NRXN1: variants seen among roughly 807,000 people sequenced by gnomAD.
The protein encoded by NRXN1 is neurexin-1.
NRXN1 carries 39 observed loss-of-function variants against 150.9 expected under a neutral mutation model. The observed-to-expected ratio is 0.26, with a 90% CI of 0.20 to 0.34. The LOEUF (loss-of-function observed/expected upper bound fraction) is 0.34. Ranked by LOEUF, NRXN1 falls within the 10% of genes least tolerant of loss-of-function variation. The probability of loss-of-function intolerance (pLI) is 1.00; values close to 1 mark genes in which losing one functional copy is unlikely to be tolerated. For synonymous variants in NRXN1, 924 were observed against 757.0 expected (o/e 1.22, Z -3.62); for missense variants, 1,815 against 1,949.9 (o/e 0.93, Z 1.30).
intron 17 of NRXN1, among the ~76,000 whole-genome samples, chr2:50,439,597 G>T (rs929837471): frequency 6.6e-6 from 1 of 152,042 alleles, no homozygotes; most frequent in Non-Finnish European, 1.5e-5. Context: ...ACGAGGTCAG[G>T]AGATTGAGAC....
chr2:50,559,293 T>A lies in NRXN1; in HGVS notation c.1321-6268A>T, dbSNP rs191533072. Among the ~76,000 whole-genome samples, 39 of 152,298 alleles carry A rather than the reference T, an allele frequency of 2.6e-4. No individual in the cohort carries two copies. The East Asian group carries it at 6.9e-3, about 27-fold the overall frequency. ...CAGATAAATTGCATTTGCTTTGCCA[T>A]GATCTGGGTAAGAAAGAGCTCAGAA... is the stretch of plus-strand genomic sequence containing the variant. On this transcript the variant is annotated intron_variant, in intron 8 of 22. Transcript: ENST00000401669.
chr2:50,670,296 TA>T (rs911920638), intron 5 of NRXN1, among the ~76,000 whole-genome samples: 17 of 151,176 alleles, frequency 1.1e-4, no homozygotes, highest in African/African-American at 2.4e-4. Flanking sequence ...CATTTATCAT[TA>T]AAAAAAAACT....
intron 17 of NRXN1, among the ~76,000 whole-genome samples, chr2:50,299,390 T>C (rs530246830): frequency 4.0e-4 from 61 of 151,346 alleles, no homozygotes; most frequent in Admixed American, 7.3e-4. Context: ...AAGATAGTGC[T>C]ATATCCTGGT....
chr2:50,270,181 A>T (rs2069403023), intron 17 of NRXN1, among the ~76,000 whole-genome samples: 1 of 152,158 alleles, frequency 6.6e-6, no homozygotes, highest in South Asian at 2.1e-4. Flanking sequence ...GTGTGGTGAT[A>T]AAAAAGATTA....
chr2:50,076,360 T>G (rs1321316956), intron 19 of NRXN1, among the ~76,000 whole-genome samples: 1 of 136,480 alleles, frequency 7.3e-6, no homozygotes, highest in African/African-American at 3.0e-5. Flanking sequence ...AAAACTAAAC[T>G]ATTTTGACTA....
intron 5 of NRXN1, among the ~76,000 whole-genome samples, chr2:50,728,115 T>C: frequency 6.6e-6 from 1 of 152,110 alleles, no homozygotes; most frequent in African/African-American, 2.4e-5. Context: ...GTAGTGACAT[T>C]GTGCACTGTA....
At chr2:50,257,733 A>G (rs1208180730) in intron 17 of NRXN1, among the ~76,000 whole-genome samples, 1 of 152,136 alleles carries the variant, frequency 6.6e-6, no homozygotes, top group Non-Finnish European at 1.5e-5. Flanking sequence ...TACATCAGCA[A>G]AGAAAGATAA....
At chr2:50,151,910 G>T (rs1291061521) in intron 18 of NRXN1, among the ~76,000 whole-genome samples, 3 of 151,770 alleles carry the variant, frequency 2.0e-5, no homozygotes, top group African/African-American at 4.8e-5. Flanking sequence ...CAATTCTACA[G>T]ATTTTAAGCA....
intron 19 of NRXN1, among the ~76,000 whole-genome samples, chr2:50,083,651 C>G (rs973134630): frequency 6.6e-6 from 1 of 152,154 alleles, no homozygotes; most frequent in Non-Finnish European, 1.5e-5. Flanking sequence ...CTTATCTGGC[C>G]CCACCCACAT....
At chr2:50,331,768 C>T (rs578023005) in intron 17 of NRXN1, among the ~76,000 whole-genome samples, 2 of 152,242 alleles carry the variant, frequency 1.3e-5, no homozygotes, top group African/African-American at 4.8e-5. Flanking sequence ...AGAATTGCTC[C>T]TTAGACAGTA....
intron 17 of NRXN1, among the ~76,000 whole-genome samples, chr2:50,436,518 CA>C (rs1249432284): frequency 3.3e-5 from 5 of 151,592 alleles, no homozygotes; most frequent in African/African-American, 1.2e-4. Context: ...AATGATTTTA[CA>C]TTGATATGAA....
chr2:50,034,593 G>T (rs1193337533), intron 21 of NRXN1, among the ~76,000 whole-genome samples: 3 of 151,968 alleles, frequency 2.0e-5, no homozygotes, highest in Non-Finnish European at 4.4e-5. Context: ...CAACCCCCAT[G>T]ACACAAGTTT....
chr2:50,488,854 G>A (rs773517682), intron 15 of NRXN1, among the ~76,000 whole-genome samples: 6 of 152,156 alleles, frequency 3.9e-5, no homozygotes, highest in Non-Finnish European at 7.4e-5. Context: ...CAAGAAGCTC[G>A]AATTCTAAGA....
intron 17 of NRXN1, among the ~76,000 whole-genome samples, chr2:50,280,153 C>T (rs1365555761): frequency 6.6e-6 from 1 of 151,774 alleles, no homozygotes; most frequent in Non-Finnish European, 1.5e-5. Context: ...TGGCGGGCGC[C>T]TGTAGTCCCA....
intron 15 of NRXN1, among the ~76,000 whole-genome samples, chr2:50,495,370 GTGTGTGTGT>G (rs2091513576): frequency 1.4e-4 from 1 of 7,170 alleles, no homozygotes; most frequent in African/African-American, 6.4e-4. Flanking sequence ...GTGTGTGTGT[GTGTGTGTGT>G]GGTGTGTGTG....
intron 2 of NRXN1, among the ~76,000 whole-genome samples, chr2:51,003,458 A>G (rs2105112336): frequency 6.6e-6 from 1 of 151,946 alleles, no homozygotes; most frequent in Admixed American, 6.6e-5. Flanking sequence ...TTTTATTGAA[A>G]CCTCCTTTCC....
At chr2:50,600,937 T>C (rs949410973) in intron 8 of NRXN1, among the ~76,000 whole-genome samples, 4 of 123,938 alleles carry the variant, frequency 3.2e-5, no homozygotes, top group Admixed American at 1.7e-4. Context: ...CTAAGTTTAT[T>C]TGTGAATTAA....
intron 18 of NRXN1, among the ~76,000 whole-genome samples, chr2:50,125,978 T>G (rs1387037464): frequency 6.6e-6 from 1 of 152,142 alleles, no homozygotes; most frequent in African/African-American, 2.4e-5. Context: ...GTGACCTGTT[T>G]ACTCCATTAG....
chr2:50,257,404 C>T (rs957282268), intron 17 of NRXN1, among the ~76,000 whole-genome samples: 4 of 152,042 alleles, frequency 2.6e-5, no homozygotes, highest in Non-Finnish European at 5.9e-5. Flanking sequence ...ATAACTGACC[C>T]ACACAAGCCC....
Sources: gnomAD v4.1 joint callset for allele counts (sites outside exome capture counted in the v4.1 genomes callset) on GRCh38, gnomAD v4.1.1 for gene constraint, MANE v1.5 for transcripts, NCBI Gene and HGNC (gene_info 2026-07-23, HGNC 2026-07-21) for gene names.